The following CSMD1 variants were observed in gnomAD, a reference collection of about 807,000 sequenced individuals.
CSMD1 encodes the protein CUB and Sushi multiple domains 1.
In CSMD1, 213 loss-of-function variants were observed where a neutral mutation model predicts 417.5. The ratio of observed to expected loss-of-function variants is 0.51; its 90% CI spans 0.46 to 0.57. The LOEUF is 0.57. Ranked by LOEUF, CSMD1 falls within the 20% of genes least tolerant of loss-of-function variation. The pLI, the probability that CSMD1 is intolerant of heterozygous loss-of-function variation, is 0.00. For missense variants in CSMD1, 6,923 were observed against 4,529.7 expected, an observed-to-expected ratio of 1.53 and a Z score of -15.17; for synonymous variants, 2,862 against 1,736.8, an observed-to-expected ratio of 1.65 and a Z score of -16.11.
intron 12 of CSMD1, among the ~76,000 whole-genome samples, chr8:3,410,324 G>C (rs905988968): frequency 6.6e-6 from 1 of 152,196 alleles, no homozygotes; most frequent in African/African-American, 2.4e-5. Context: ...AGGGCTTAGT[G>C]AATAAATGAG....
intron 2 of CSMD1, among the ~76,000 whole-genome samples, chr8:4,466,177 G>C (rs1327425684): frequency 6.6e-6 from 1 of 152,114 alleles, no homozygotes; most frequent in Non-Finnish European, 1.5e-5. Flanking sequence ...GGTCTTAAGA[G>C]CTGTTTAAGA....
intron 6 of CSMD1, among the ~76,000 whole-genome samples, chr8:3,716,795 C>G (rs1018439887): frequency 6.6e-6 from 1 of 152,142 alleles, no homozygotes; most frequent in African/African-American, 2.4e-5. Context: ...CCATTTAACT[C>G]TGTTGGTCAC....
intron 2 of CSMD1, among the ~76,000 whole-genome samples, chr8:4,546,349 CAGATAGCTGGTAAA>C (rs1290166865): frequency 6.6e-6 from 1 of 152,062 alleles, no homozygotes; most frequent in East Asian, 1.9e-4. Context: ...AAGGGTTGCC[CAGATAGCTGGTAAA>C]AGATTGCTTC....
chr8:4,914,191 C>T (rs748686000), intron 1 of CSMD1, among the ~76,000 whole-genome samples: 2 of 152,114 alleles, frequency 1.3e-5, no homozygotes, highest in African/African-American at 4.8e-5. Flanking sequence ...TCATGAGACT[C>T]TATAGTATTA....
chr8:4,022,665 G>C (rs1261834440), intron 4 of CSMD1, among the ~76,000 whole-genome samples: 6 of 152,164 alleles, frequency 3.9e-5, no homozygotes, highest in Admixed American at 6.5e-5. Flanking sequence ...GGAGAGAAAT[G>C]TGGTAGATTT....
intron 3 of CSMD1, among the ~76,000 whole-genome samples, chr8:4,234,450 C>T (rs1271349863): frequency 6.6e-6 from 1 of 152,040 alleles, no homozygotes; most frequent in East Asian, 1.9e-4. Flanking sequence ...CCAAGACGTC[C>T]ATTTCTCTGT....
At chr8:3,742,520 C>G (rs1341727361) in intron 6 of CSMD1, among the ~76,000 whole-genome samples, 1 of 152,144 alleles carries the variant, frequency 6.6e-6, no homozygotes, top group Non-Finnish European at 1.5e-5. Context: ...GTTGGCACTG[C>G]ACTGAAAATA....
chr8:4,880,696 G>A (rs1803339031), intron 1 of CSMD1, among the ~76,000 whole-genome samples: 1 of 151,986 alleles, frequency 6.6e-6, no homozygotes, highest in South Asian at 2.1e-4. Flanking sequence ...TGCCTGTTCT[G>A]CCCATCGCAT....
At chr8:3,187,423 G>A (rs758994991) in intron 36 of CSMD1, among the ~76,000 whole-genome samples, 1 of 152,116 alleles carries the variant, frequency 6.6e-6, no homozygotes, top group East Asian at 1.9e-4. Context: ...GACTTGCAGT[G>A]GACTACAATT....
At position 4,120,352 on chromosome 8, in the gene CSMD1, A is replaced by G. The variant is rs140849737; in HGVS notation, c.416-88253T>C. 3.5e-3 allele frequency among the ~76,000 whole-genome samples: 532 copies of G among 152,336 alleles called. 5 individuals are homozygous for G. Among genetic ancestry groups the G allele is most frequent in the African/African-American group, 0.012 (508 of 41,576 alleles). On this transcript the variant is annotated intron_variant, in intron 3 of 69. Coordinates refer to ENST00000635120, the MANE Select transcript of CSMD1 (RefSeq NM_033225.6). ...CTTAGCTATAAGATAAGATTATTTT[A>G]TAAAATCAGATTCTTACTTAGACTA...
rs1808722138 is a variant in CSMD1 at position 3,915,068 on chromosome 8, A to C, written c.818+82835T>G. On this transcript the variant is annotated intron_variant, in intron 5 of 69. Coordinates refer to ENST00000635120, the MANE Select transcript of CSMD1 (RefSeq NM_033225.6). ...GGATACAGGCAGGGAATAGTTATTG[A>C]ATTAATTAGGGATCGGAAAAGCCCT... Among the ~76,000 whole-genome samples, 3 of 152,282 alleles carry C rather than the reference A, an allele frequency of 2.0e-5. No individual in the cohort carries two copies. In the South Asian group the frequency reaches 6.2e-4, roughly 32 times the overall value.
Position 3,756,307 on chromosome 8 carries a change from C to A in CSMD1, c.819-2265G>T, listed in dbSNP as rs181959722. Among the ~76,000 whole-genome samples, 353 of 150,164 alleles carry A rather than the reference C, an allele frequency of 2.4e-3. 5 individuals carry two copies. The highest frequency in any genetic ancestry group is 8.3e-3 in the African/African-American group (339 of 40,736). On this transcript the variant is annotated intron_variant, in intron 5 of 69. Transcript: ENST00000635120. ...GGCAGAGCTTGCAGTGAGCTGAGATCGCGCCACTGCACTCCACCCTGGGCA... is the reference window on the plus strand; with the variant it reads ...GGCAGAGCTTGCAGTGAGCTGAGATAGCGCCACTGCACTCCACCCTGGGCA...
chr8:3,126,189 C>T (rs1441987135), intron 41 of CSMD1, among the ~76,000 whole-genome samples: 1 of 152,056 alleles, frequency 6.6e-6, no homozygotes. Flanking sequence ...CTAAATATAC[C>T]CATCTATACA....
intron 3 of CSMD1, among the ~76,000 whole-genome samples, chr8:4,041,029 T>C (rs1483490563): frequency 2.1e-5 from 3 of 145,742 alleles, no homozygotes. Flanking sequence ...TTTTTTTTTT[T>C]TTTTTGAGAC....
At chr8:3,450,848 T>C (rs891619354) in intron 12 of CSMD1, among the ~76,000 whole-genome samples, 3 of 151,864 alleles carry the variant, frequency 2.0e-5, no homozygotes, top group African/African-American at 7.2e-5. Context: ...GATGGCTGGG[T>C]CAAATGGTAA....
chr8:3,308,804 A>T (rs1214041002), intron 23 of CSMD1, among the ~76,000 whole-genome samples: 9 of 139,908 alleles, frequency 6.4e-5, no homozygotes, highest in Non-Finnish European at 1.2e-4. Context: ...CCTCACTGCA[A>T]CCTCCACCTC....
chr8:4,051,922 T>TTC (rs1554429055), intron 3 of CSMD1, among the ~76,000 whole-genome samples: 1 of 150,642 alleles, frequency 6.6e-6, no homozygotes, highest in African/African-American at 2.4e-5. Context: ...CTTTCTTTCT[T>TTC]TTTCTTTCTT....
intron 1 of CSMD1, among the ~76,000 whole-genome samples, chr8:4,739,667 C>T (rs530668337): frequency 1.3e-5 from 2 of 152,268 alleles, no homozygotes; most frequent in Admixed American, 6.5e-5. Context: ...ACAGTCCACA[C>T]TTTGTGTCTA....
intron 11 of CSMD1, among the ~76,000 whole-genome samples, chr8:3,478,023 A>C (rs1018398075): frequency 6.6e-6 from 1 of 152,220 alleles, no homozygotes; most frequent in Non-Finnish European, 1.5e-5. Flanking sequence ...TAATTCATAC[A>C]TATACTGAAG....
Sources: gnomAD v4.1 joint callset for allele counts (sites outside exome capture counted in the v4.1 genomes callset) on GRCh38, gnomAD v4.1.1 for gene constraint, MANE v1.5 for transcripts, NCBI Gene and HGNC (gene_info 2026-07-23, HGNC 2026-07-21) for gene names.